DIAPH2: variants seen among roughly 807,000 people sequenced by gnomAD.
DIAPH2 encodes protein diaphanous homolog 2.
DIAPH2 carries 35 observed loss-of-function variants against 92.7 expected under a neutral mutation model. That is an observed-to-expected ratio of 0.38 (90% confidence interval 0.29 to 0.50). DIAPH2 has a LOEUF of 0.50. Ranked by LOEUF, DIAPH2 falls within the 20% of genes least tolerant of loss-of-function variation. The probability of loss-of-function intolerance (pLI) is 0.94; values close to 1 mark genes in which losing one functional copy is unlikely to be tolerated. For missense variants in DIAPH2, 701 were observed against 819.5 expected, an observed-to-expected ratio of 0.86 and a Z score of 1.77; for synonymous variants, 301 against 280.4, an observed-to-expected ratio of 1.07 and a Z score of -0.73.
rs751496372 is a variant in DIAPH2, at chrX:96,823,252, C to A, written c.448-58327C>A. The stretch of plus-strand genomic sequence containing the variant: ...GCAATTCCATTTCTAGAAAATTGTC[C>A]TAATGAAGCAGATGTATAAAAAATA... On this transcript the variant is annotated intron_variant, in intron 4 of 26. Transcript: ENST00000324765. Among the ~76,000 whole-genome samples the A allele has an allele frequency of 7.2e-5, 8 of 110,846 alleles. No individual in the cohort carries two copies. In the East Asian group the frequency reaches 2.0e-3, roughly 27 times the overall value.
chrX:97,428,545 A>T (rs1244307473), intron 25 of DIAPH2, among the ~76,000 whole-genome samples: 5 of 111,381 alleles, frequency 4.5e-5, no homozygotes, highest in African/African-American at 1.3e-4. Context: ...CAAAAAAAAA[A>T]AAAAAATGTA....
chrX:97,301,150 C>CAAAA (rs1220185711), intron 23 of DIAPH2, among the ~76,000 whole-genome samples: 3 of 32,225 alleles, frequency 9.3e-5, no homozygotes, highest in Non-Finnish European at 1.2e-4. Context: ...GACTCCGTCT[C>CAAAA]AAAAAAAAAA....
intron 4 of DIAPH2, among the ~76,000 whole-genome samples, chrX:96,797,088 C>A (rs1420968382): frequency 5.4e-5 from 6 of 111,649 alleles, no homozygotes; most frequent in African/African-American, 2.0e-4. Flanking sequence ...TTGCAGATTT[C>A]TAAGATGACA....
intron 25 of DIAPH2, among the ~76,000 whole-genome samples, chrX:97,429,202 G>A (rs779404129): frequency 8.0e-5 from 9 of 112,226 alleles, no homozygotes; most frequent in Non-Finnish European, 1.5e-4. Flanking sequence ...TAAGATAATC[G>A]CAGATGATGG....
intron 22 of DIAPH2, among the ~76,000 whole-genome samples, chrX:97,194,513 C>T (rs748838854): frequency 3.8e-4 from 42 of 109,969 alleles, no homozygotes; most frequent in South Asian, 1.6e-3. Flanking sequence ...CTCGATCTCC[C>T]GACCTCGTGA....
chrX:97,272,580 G>A (rs759052416), intron 23 of DIAPH2, among the ~76,000 whole-genome samples: 18 of 111,677 alleles, frequency 1.6e-4, no homozygotes, highest in Non-Finnish European at 2.8e-4. Flanking sequence ...CATTATGTTA[G>A]AGATTTGGAT....
rs187821327 is a variant in DIAPH2, at chrX:96,974,193, C to T, written c.2050+8986C>T. ...TGAAATGCATACTGCCTTGAAGGCA[C>T]GGGCAGTCAGCCTTGGGTCAGGACT... On this transcript the variant is annotated intron_variant, in intron 17 of 26. Transcript: ENST00000324765. 5.7e-4 allele frequency among the ~76,000 whole-genome samples: 64 copies of T among 111,925 alleles called. 1 individual carries two copies. The highest frequency in any genetic ancestry group is 4.5e-3 in the Admixed American group (48 of 10,558).
chrX:97,239,578 A>G (rs2068075002), intron 22 of DIAPH2, among the ~76,000 whole-genome samples: 1 of 111,191 alleles, frequency 9.0e-6, no homozygotes, highest in Non-Finnish European at 1.9e-5. Context: ...ATGAAATGAG[A>G]GAAAAAAAAT....
intron 21 of DIAPH2, among the ~76,000 whole-genome samples, chrX:97,116,563 A>G (rs2067018154): frequency 8.9e-6 from 1 of 111,901 alleles, no homozygotes; most frequent in Non-Finnish European, 1.9e-5. Flanking sequence ...AGTCATCTCT[A>G]CCATGGTGCT....
chrX:97,083,387 G>A (rs994162456), intron 19 of DIAPH2, among the ~76,000 whole-genome samples: 5 of 112,266 alleles, frequency 4.5e-5, no homozygotes, highest in Non-Finnish European at 5.6e-5. Context: ...ATCCATCTTC[G>A]TGTCTTAAAT....
intron 21 of DIAPH2, among the ~76,000 whole-genome samples, chrX:97,129,200 T>A: frequency 9.5e-6 from 1 of 105,268 alleles, no homozygotes; most frequent in East Asian, 2.9e-4. Flanking sequence ...CTTGTCTTGC[T>A]CTGTCACCCA....
intron 16 of DIAPH2, among the ~76,000 whole-genome samples, chrX:96,962,895 T>G (rs5920989): frequency 0.039 from 4,340 of 110,776 alleles, 102 homozygotes; most frequent in Middle Eastern, 0.084. Context: ...TGTTAACATT[T>G]GAGTCCTTTC....
intron 23 of DIAPH2, among the ~76,000 whole-genome samples, chrX:97,329,990 A>G (rs1241311962): frequency 2.8e-5 from 3 of 105,350 alleles, no homozygotes; most frequent in African/African-American, 1.0e-4. Flanking sequence ...TGAATTGCCT[A>G]GGGGAGAAGG....
At chrX:97,080,924 T>G (rs1365731539) in intron 19 of DIAPH2, among the ~76,000 whole-genome samples, 1 of 112,090 alleles carries the variant, frequency 8.9e-6, no homozygotes, top group East Asian at 2.8e-4. Flanking sequence ...CATCTGTATT[T>G]TATGCAGGCT....
chrX:97,156,715 C>T (rs1472613723), intron 22 of DIAPH2, among the ~76,000 whole-genome samples: 2 of 111,288 alleles, frequency 1.8e-5, no homozygotes, highest in Non-Finnish European at 3.8e-5. Flanking sequence ...ATTGCAAAAA[C>T]AAGAGTAATA....
chrX:96,751,248 TA>T (rs1049238343), intron 3 of DIAPH2, among the ~76,000 whole-genome samples: 1 of 110,863 alleles, frequency 9.0e-6, no homozygotes, highest in African/African-American at 3.3e-5. Flanking sequence ...ATGAGAAGCA[TA>T]AAAAAATGGT....
chrX:97,432,235 T>TA (rs1347164977), intron 26 of DIAPH2, among the ~76,000 whole-genome samples: 2 of 111,798 alleles, frequency 1.8e-5, no homozygotes, highest in Non-Finnish European at 3.8e-5. Flanking sequence ...GTATTACTGT[T>TA]ATGTAAAATA....
At chrX:97,164,046 T>C (rs2067394301) in intron 22 of DIAPH2, among the ~76,000 whole-genome samples, 1 of 112,391 alleles carries the variant, frequency 8.9e-6, no homozygotes, top group African/African-American at 3.2e-5. Flanking sequence ...TCATAAGTCT[T>C]TGAGGATCTC....
chrX:97,477,497 C>G (rs1290341144), intron 26 of DIAPH2, among the ~76,000 whole-genome samples: 1 of 110,665 alleles, frequency 9.0e-6, no homozygotes, highest in Non-Finnish European at 1.9e-5. Context: ...CCCAGCTACT[C>G]TGGAGGCTGA....
Sources: allele counts gnomAD v4.1 joint callset (sites outside exome capture counted in the v4.1 genomes callset), GRCh38; gene constraint gnomAD v4.1.1; transcripts MANE v1.5; gene names NCBI Gene and HGNC (gene_info 2026-07-23, HGNC 2026-07-21).